The following COMMD1 variants were observed in gnomAD, a reference collection of about 807,000 sequenced individuals.
COMMD1 encodes the protein COMM domain-containing protein 1.
In COMMD1, 10 loss-of-function variants were observed where a neutral mutation model predicts 17.2. The observed-to-expected ratio is 0.58, with a 90% CI of 0.36 to 0.99. The LOEUF (loss-of-function observed/expected upper bound fraction) is 0.99. Among genes scored for constraint, COMMD1 ranks in the 50% least tolerant of loss-of-function variants. The pLI is 0.01. For synonymous variants in COMMD1, 97 were observed against 91.6 expected (o/e 1.06, Z -0.34); for missense variants, 270 against 231.8 (o/e 1.17, Z -1.07).
In COMMD1 at chr2:61,905,736, G is replaced by C; in HGVS notation, c.58G>C (p.Ala20Pro). Residue 20 changes from alanine to proline, a missense_variant, in exon 1 of 3, where the codon GCC becomes CCC. Transcript: ENST00000311832. ...KPLSGLLNAL[A>P]QDTFHGYPGI... ...CCTGAGCGGGCTGCTGAATGCGCTG[G>C]CCCAGGACACTTTCCACGGGTACCC... 6.2e-7 allele frequency: 1 copy of C among 1,613,048 alleles called. No homozygotes were observed. The highest frequency in any genetic ancestry group is 8.5e-7 in the Non-Finnish European group (1 of 1,179,620).
At chr2:62,098,664 G>T (rs1024112962) in intron 2 of COMMD1, among the ~76,000 whole-genome samples, 3 of 152,162 alleles carry the variant, frequency 2.0e-5, no homozygotes, top group African/African-American at 7.2e-5. Flanking sequence ...TTTTGTTTGG[G>T]CGTATTTTAC....
intron 1 of COMMD1, among the ~76,000 whole-genome samples, chr2:61,895,556 C>G (rs1015223801): frequency 3.9e-5 from 6 of 152,162 alleles, no homozygotes; most frequent in Admixed American, 6.5e-5. Context: ...ATAGCAGACC[C>G]TGCAACAGCT....
intron 1 of COMMD1, among the ~76,000 whole-genome samples, chr2:61,961,758 G>A (rs1483335229): frequency 6.7e-6 from 1 of 150,134 alleles, no homozygotes; most frequent in Non-Finnish European, 1.5e-5. Context: ...TTGCCTTTTT[G>A]GCTATCATTA....
At chr2:62,080,504 T>C (rs1671485982) in intron 2 of COMMD1, among the ~76,000 whole-genome samples, 1 of 152,120 alleles carries the variant, frequency 6.6e-6, no homozygotes, top group African/African-American at 2.4e-5. Flanking sequence ...GGGGGAGTTG[T>C]TGAATGTAAT....
intron 2 of COMMD1, chr2:62,069,557 G>A (rs1417922411): frequency 6.6e-6 from 1 of 152,280 alleles, no homozygotes; most frequent in South Asian, 2.1e-4. Context: ...CAGAATTGAT[G>A]TGGGTGGTGG....
At chr2:62,086,204 A>T (rs916205634) in intron 2 of COMMD1, among the ~76,000 whole-genome samples, 4 of 151,642 alleles carry the variant, frequency 2.6e-5, no homozygotes, top group Non-Finnish European at 5.9e-5. Context: ...AGATAAAAAC[A>T]TGAAATTAAA....
At chr2:62,012,077 G>T (rs1328643350) in intron 2 of COMMD1, among the ~76,000 whole-genome samples, 1 of 151,904 alleles carries the variant, frequency 6.6e-6, no homozygotes, top group Non-Finnish European at 1.5e-5. Context: ...GTGAAACTCC[G>T]TCTCTACTAA....
chr2:62,052,383 C>T (rs1024678580), intron 2 of COMMD1, among the ~76,000 whole-genome samples: 1 of 152,118 alleles, frequency 6.6e-6, no homozygotes, highest in African/African-American at 2.4e-5. Flanking sequence ...GTTTATTTCT[C>T]TTTTATGTAA....
intron 1 of COMMD1, among the ~76,000 whole-genome samples, chr2:61,993,779 T>C (rs11695621): frequency 0.11 from 17,011 of 152,198 alleles, 2,244 homozygotes; most frequent in African/African-American, 0.32. Flanking sequence ...TAGTTCAAGA[T>C]ATTATTGACT....
intron 1 of COMMD1, among the ~76,000 whole-genome samples, chr2:61,892,960 C>T (rs1188980284): frequency 2.6e-5 from 4 of 151,770 alleles, no homozygotes; most frequent in African/African-American, 4.9e-5. Context: ...CTCTGCTCCA[C>T]GGGTTCAAGT....
At chr2:62,072,874 C>G (rs1671236966) in intron 2 of COMMD1, among the ~76,000 whole-genome samples, 1 of 152,232 alleles carries the variant, frequency 6.6e-6, no homozygotes, top group South Asian at 2.1e-4. Context: ...GTGTGCCTGG[C>G]TGTGCACCAT....
At chr2:62,044,151 A>G (rs1203274339) in intron 2 of COMMD1, among the ~76,000 whole-genome samples, 1 of 152,140 alleles carries the variant, frequency 6.6e-6, no homozygotes, top group Non-Finnish European at 1.5e-5. Context: ...TATGTCAGTA[A>G]TTGAATTCCA....
intron 1 of COMMD1, among the ~76,000 whole-genome samples, chr2:61,984,338 A>G (rs1160728162): frequency 6.6e-6 from 1 of 152,112 alleles, no homozygotes; most frequent in Non-Finnish European, 1.5e-5. Context: ...TTGTTTTTCC[A>G]TTATTGTTTC....
chr2:62,058,883 C>T (rs534687775), intron 2 of COMMD1, among the ~76,000 whole-genome samples: 3 of 152,048 alleles, frequency 2.0e-5, no homozygotes, highest in Non-Finnish European at 4.4e-5. Context: ...CGGATTCAAG[C>T]GATTCTCCTG....
intron 2 of COMMD1, among the ~76,000 whole-genome samples, chr2:62,085,751 G>A (rs939298100): frequency 9.9e-5 from 15 of 151,306 alleles, no homozygotes; most frequent in Non-Finnish European, 1.9e-4. Flanking sequence ...AGGCCGAGGC[G>A]GGCAGATCAC....
intron 2 of COMMD1, among the ~76,000 whole-genome samples, chr2:62,032,970 A>G (rs1223702196): frequency 1.3e-5 from 2 of 152,130 alleles, no homozygotes; most frequent in African/African-American, 4.8e-5. Context: ...AGGTTTCTCC[A>G]TGTTGGTGAG....
intron 1 of COMMD1, among the ~76,000 whole-genome samples, chr2:61,898,985 C>T (rs536072232): frequency 2.0e-5 from 3 of 152,304 alleles, no homozygotes; most frequent in East Asian, 3.9e-4. Flanking sequence ...TCAACAGTTA[C>T]ATTGGCAATA....
At chr2:61,987,692 G>A (rs1011873103) in intron 1 of COMMD1, among the ~76,000 whole-genome samples, 2 of 152,090 alleles carry the variant, frequency 1.3e-5, no homozygotes, top group African/African-American at 2.4e-5. Flanking sequence ...CCTGGCTACC[G>A]CTCAAGGCCT....
intron 1 of COMMD1, among the ~76,000 whole-genome samples, chr2:61,960,111 ATATGTG>A (rs1406338819): frequency 7.1e-6 from 1 of 140,660 alleles, no homozygotes; most frequent in Non-Finnish European, 1.5e-5. Flanking sequence ...GATTTGGAAT[ATATGTG>A]TGTGTGTGTG....
Sources: gnomAD v4.1 joint callset for allele counts (sites outside exome capture counted in the v4.1 genomes callset) on GRCh38, gnomAD v4.1.1 for gene constraint, MANE v1.5 for transcripts, NCBI Gene and HGNC (gene_info 2026-07-23, HGNC 2026-07-21) for gene names.